The following PRKN variants were observed in gnomAD, a reference collection of about 807,000 sequenced individuals.
The protein encoded by PRKN is parkin RBR E3 ubiquitin protein ligase.
Under a neutral mutation model 59.5 loss-of-function variants are expected in PRKN, and 56 were observed. That is an observed-to-expected ratio of 0.94 (90% CI 0.76 to 1.18). PRKN has a LOEUF of 1.18. PRKN is among the 50% of genes most tolerant of loss of function. The probability of loss-of-function intolerance (pLI) is 0.00; values close to 1 mark genes in which losing one functional copy is unlikely to be tolerated. For missense variants in PRKN, 657 were observed against 596.4 expected (o/e 1.10, Z -1.06); for synonymous variants, 250 against 222.1 (o/e 1.13, Z -1.12).
intron 9 of PRKN, among the ~76,000 whole-genome samples, chr6:161,420,061 A>G (rs1018052595): frequency 2.0e-5 from 3 of 151,842 alleles, no homozygotes; most frequent in Admixed American, 2.0e-4. Flanking sequence ...ACACGGTGAA[A>G]CCCCGTCTCT....
chr6:161,923,539 G>A (rs902319771), intron 6 of PRKN, among the ~76,000 whole-genome samples: 1 of 151,962 alleles, frequency 6.6e-6, no homozygotes, highest in African/African-American at 2.4e-5. Context: ...TATTAAAATT[G>A]TACAAAAAAC....
At chr6:161,716,025 T>A in intron 7 of PRKN, 2 of 1,028,642 alleles carry the variant, frequency 1.9e-6, no homozygotes, top group Non-Finnish European at 1.4e-6. Context: ...TCTGGGGAAT[T>A]GGATCTGGTT....
chr6:162,391,501 C>T (rs1787190384), intron 2 of PRKN, among the ~76,000 whole-genome samples: 1 of 151,228 alleles, frequency 6.6e-6, no homozygotes, highest in Non-Finnish European at 1.5e-5. Context: ...AGATAATTTT[C>T]TTACTGCGCA....
At position 161,379,559 on chromosome 6, in the gene PRKN, C is replaced by T. The variant is rs66471370; in HGVS notation, c.1167+7235G>A. Among the ~76,000 whole-genome samples, 11,874 of 152,256 alleles carry T rather than the reference C, an allele frequency of 0.078. 577 individuals are homozygous for T. The highest frequency in any genetic ancestry group is 0.1 in the Non-Finnish European group (6,964 of 68,008). On this transcript the variant is annotated intron_variant, in intron 10 of 11. Transcript: ENST00000366898. The surrounding 1 kb of genome is among the most constrained non-coding windows in gnomAD (Gnocchi z 4.9). ...TGCTGCTGGGTATGTCCGCAGCAGA[C>T]AGCTCTCTGCCAAGTCTCTACCCGG...
At chr6:162,666,660 C>T (rs750906322) in intron 1 of PRKN, among the ~76,000 whole-genome samples, 2 of 152,060 alleles carry the variant, frequency 1.3e-5, no homozygotes, top group Non-Finnish European at 2.9e-5. Context: ...AAATGTTGTA[C>T]AAACTCCCAT....
intron 9 of PRKN, among the ~76,000 whole-genome samples, chr6:161,411,803 A>C (rs1351064050): frequency 7.1e-6 from 1 of 141,750 alleles, no homozygotes; most frequent in Admixed American, 7.1e-5. Flanking sequence ...TTCCTCCCTC[A>C]CTCATTCCTC....
intron 1 of PRKN, among the ~76,000 whole-genome samples, chr6:162,622,211 T>C (rs1370308189): frequency 6.6e-6 from 1 of 152,236 alleles, no homozygotes; most frequent in Non-Finnish European, 1.5e-5. Flanking sequence ...TAATCATACT[T>C]TTAATTTCCT....
intron 7 of PRKN, among the ~76,000 whole-genome samples, chr6:161,665,804 G>A (rs1784706030): frequency 6.6e-6 from 1 of 152,178 alleles, no homozygotes; most frequent in Non-Finnish European, 1.5e-5. Flanking sequence ...CGCCCATTGT[G>A]TGAAACGCTG....
intron 3 of PRKN, among the ~76,000 whole-genome samples, chr6:162,207,449 T>C (rs1023172943): frequency 2.0e-5 from 3 of 152,164 alleles, no homozygotes; most frequent in Non-Finnish European, 4.4e-5. Flanking sequence ...GTTGCTAAAC[T>C]GGGCAGGTCA....
At chr6:161,802,154 C>A (rs1208961551) in intron 6 of PRKN, among the ~76,000 whole-genome samples, 1 of 152,136 alleles carries the variant, frequency 6.6e-6, no homozygotes, top group Middle Eastern at 3.2e-3. Flanking sequence ...TCATTATTCT[C>A]CAAACAGCAA....
At chr6:161,773,099 TGGA>T (rs372342226) in intron 7 of PRKN, among the ~76,000 whole-genome samples, 61 of 152,318 alleles carry the variant, frequency 4.0e-4, no homozygotes, top group African/African-American at 1.4e-3. Context: ...GAAGCGGCTA[TGGA>T]GGAGATCACA....
chr6:162,428,108 T>C (rs899173120), intron 2 of PRKN, among the ~76,000 whole-genome samples: 4 of 152,194 alleles, frequency 2.6e-5, no homozygotes, highest in African/African-American at 9.6e-5. Context: ...GTTTATACAA[T>C]GGTTTATATA....
intron 2 of PRKN, among the ~76,000 whole-genome samples, chr6:162,391,103 C>T (rs1787160919): frequency 6.6e-6 from 1 of 152,162 alleles, no homozygotes; most frequent in South Asian, 2.1e-4. Context: ...AGATGTGAAA[C>T]TAAAAATGTT....
chr6:162,048,055 T>C (rs747916219), intron 5 of PRKN, among the ~76,000 whole-genome samples: 17 of 152,114 alleles, frequency 1.1e-4, no homozygotes, highest in Non-Finnish European at 2.1e-4. Context: ...TTGTAAGAGG[T>C]GTTACGCTAC....
chr6:161,986,218 G>T (rs1781430348), intron 5 of PRKN, among the ~76,000 whole-genome samples: 2 of 152,176 alleles, frequency 1.3e-5, no homozygotes. Flanking sequence ...CATGACTGTA[G>T]AACTGCCCTG....
rs75605642 is a variant in PRKN, at chr6:162,721,267, A to G, written c.7+6395T>C. 4.0e-3 allele frequency among the ~76,000 whole-genome samples: 616 copies of G among 152,358 alleles called. 4 individuals are homozygous for G. Among genetic ancestry groups the G allele is most frequent in the Non-Finnish European group, 6.1e-3 (416 of 68,030 alleles). ...CTGTTTTATCTAAGAAGTACAATGA[A>G]GGTCATGAGAAGTCCTCTATTAACA... On this transcript the variant is annotated intron_variant, in intron 1 of 11. Coordinates refer to ENST00000366898, the MANE Select transcript of PRKN (RefSeq NM_004562.3).
intron 1 of PRKN, among the ~76,000 whole-genome samples, chr6:162,460,537 A>G (rs1215834597): frequency 1.3e-5 from 2 of 152,228 alleles, no homozygotes; most frequent in African/African-American, 4.8e-5. Flanking sequence ...ATATCTTAGT[A>G]AAACTGTATC....
At chr6:162,584,885 CCCTCCCCTCCCCTCT>C (rs1780977526) in intron 1 of PRKN, among the ~76,000 whole-genome samples, 1 of 59,360 alleles carries the variant, frequency 1.7e-5, no homozygotes, top group East Asian at 7.1e-4. Flanking sequence ...CCCTCCCCTC[CCCTCCCCTCCCCTCT>C]CCTCTTCTCT....
chr6:162,607,104 TG>T (rs1781952066), intron 1 of PRKN, among the ~76,000 whole-genome samples: 1 of 152,076 alleles, frequency 6.6e-6, no homozygotes, highest in African/African-American at 2.4e-5. Flanking sequence ...TTTACACGGG[TG>T]GGGTTTGAGG....
Sources: allele counts gnomAD v4.1 joint callset (sites outside exome capture counted in the v4.1 genomes callset), GRCh38; gene constraint gnomAD v4.1.1; non-coding constraint Gnocchi (gnomAD v3.1); transcripts MANE v1.5; gene names NCBI Gene and HGNC (gene_info 2026-07-23, HGNC 2026-07-21).